GNAS: variants seen among roughly 807,000 people sequenced by gnomAD.
GNAS encodes GNAS complex locus.
GNAS carries 8 observed loss-of-function variants against 54.5 expected under a neutral mutation model. The observed-to-expected ratio is 0.15, with a 90% CI of 0.09 to 0.26. The LOEUF is 0.26. Among genes scored for constraint, GNAS ranks in the 10% least tolerant of loss-of-function variants. The pLI is 1.00. For synonymous variants in GNAS, 204 were observed against 191.4 expected, an observed-to-expected ratio of 1.07 and a Z score of -0.54; for missense variants, 170 against 529.8, an observed-to-expected ratio of 0.32 and a Z score of 6.67.
chr20:58,911,144 TGTG>T lies in GNAS; in HGVS notation c.*316_*318del. 1 of 514,418 alleles carries T rather than the reference TGTG, an allele frequency of 1.9e-6. No homozygotes were observed. The highest frequency in any genetic ancestry group is 3.8e-5 in the East Asian group (1 of 26,588). 31.9% of individuals were successfully genotyped at this position (514,418 alleles called of 1,614,324 possible). A position where few individuals can be genotyped will look rare whatever the true frequency, so the allele number is the denominator to read the frequency against. On this transcript the variant is annotated 3_prime_UTR_variant, in exon 13 of 13. Coordinates refer to ENST00000371085, the MANE Select transcript of GNAS (RefSeq NM_000516.7). ...GAAACAAATGAAATAAATATTGTGT[TGTG>T]CAGCATTAAAAAAAATCAAAATAAA...
At chr20:58,887,703 G>A (rs879858017), upstream of GNAS, among the ~76,000 whole-genome samples, 1 of 152,190 alleles carries the variant, frequency 6.6e-6, no homozygotes, top group African/African-American at 2.4e-5. Context: ...TTTCAGCCAA[G>A]TTCAAGAAAG....
At chr20:58,867,267 C>T (rs2087121225) in intron 1 of GNAS, among the ~76,000 whole-genome samples, 1 of 152,162 alleles carries the variant, frequency 6.6e-6, no homozygotes, top group African/African-American at 2.4e-5. Context: ...AAACTTCTAG[C>T]TATTTATAAT....
chr20:58,868,614 G>A (rs542692510), intron 1 of GNAS, among the ~76,000 whole-genome samples: 34 of 152,282 alleles, frequency 2.2e-4, no homozygotes, highest in African/African-American at 7.7e-4. Context: ...AAGAAAGGGG[G>A]CTCATCTCTC....
rs569917650 is a variant in GNAS at position 58,903,941 on chromosome 20, A to T, written c.432+150A>T. On this transcript the variant is annotated intron_variant, in intron 5 of 12. Coordinates refer to ENST00000371085, the MANE Select transcript of GNAS (RefSeq NM_000516.7). ...CATTTCAGTGATGTCCATCCTTAGGAAAAAGTTAATTTCATGTGTAACCTT... is the reference window on the plus strand; with the variant it reads ...CATTTCAGTGATGTCCATCCTTAGGTAAAAGTTAATTTCATGTGTAACCTT... 6 of 825,554 alleles carry T rather than the reference A, an allele frequency of 7.3e-6. No homozygotes were observed. In the Admixed American group the frequency reaches 1.1e-4, roughly 15 times the overall value. The allele number at this position is 825,554 out of a possible 1,614,324, so 51.1% of individuals were successfully genotyped here.
chr20:58,886,269 A>G (rs982133750), intron 1 of GNAS, among the ~76,000 whole-genome samples: 2 of 152,246 alleles, frequency 1.3e-5, no homozygotes, highest in East Asian at 1.9e-4. Context: ...CCATATCTCC[A>G]TGTAGTGTGT....
intron 1 of GNAS, chr20:58,855,864 C>T (rs991968650): frequency 1.8e-6 from 1 of 555,352 alleles, no homozygotes; most frequent in South Asian, 2.5e-5. Context: ...CCTATCCCGG[C>T]ACCCCCAAAT....
intron 6 of GNAS, among the ~76,000 whole-genome samples, chr20:58,906,398 C>T (rs1463783537): frequency 6.6e-6 from 1 of 152,164 alleles, no homozygotes; most frequent in Non-Finnish European, 1.5e-5. Context: ...TCCCTGTCAC[C>T]CACCATGGTC....
chr20:58,853,868 G>C lies in GNAS; in HGVS notation c.43+12982G>C. On this transcript the variant is annotated intron_variant, in intron 1 of 12. Transcript: ENST00000306090. The surrounding 1 kb of genome is among the most constrained non-coding windows in gnomAD (Gnocchi z 4.4). Reference sequence around the variant, plus strand: ...GGGTCCCCGGAGCTCCTCCCGAGGAGCCCCAAGCCCTCAGGCCTGCAAAGG... The same window carrying C: ...GGGTCCCCGGAGCTCCTCCCGAGGACCCCCAAGCCCTCAGGCCTGCAAAGG... 1 of 1,595,486 alleles carries C rather than the reference G, an allele frequency of 6.3e-7. No homozygotes were observed. The highest frequency in any genetic ancestry group is 8.5e-7 in the Non-Finnish European group (1 of 1,171,546).
At chr20:58,862,559 G>GTT (rs371501357) in intron 1 of GNAS, among the ~76,000 whole-genome samples, 2,450 of 145,654 alleles carry the variant, frequency 0.017, 39 homozygotes, top group Middle Eastern at 0.057. Flanking sequence ...TTGTTGCTGG[G>GTT]TTTTTTTTTT....
chr20:58,842,325 T>C, intron 1 of GNAS: 1 of 397,930 alleles, frequency 2.5e-6, no homozygotes, highest in East Asian at 3.6e-5. Flanking sequence ...GGCTTAATTA[T>C]ACGGATGACA....
At chr20:58,848,682 C>T (rs1329462426) in intron 1 of GNAS, among the ~76,000 whole-genome samples, 1 of 152,168 alleles carries the variant, frequency 6.6e-6, no homozygotes, top group Non-Finnish European at 1.5e-5. Context: ...GATCACCAGA[C>T]AAGCCAACCA....
upstream of GNAS, among the ~76,000 whole-genome samples, chr20:58,891,091 T>C (rs938393555): frequency 7.0e-6 from 1 of 142,954 alleles, no homozygotes; most frequent in Non-Finnish European, 1.5e-5. Flanking sequence ...ACGCCCCCTC[T>C]CCCCCCTCGG....
In GNAS at chr20:58,911,185, G is replaced by A. The variant is rs1302549057; in HGVS notation, c.*356G>A. ...AAATCAAAATAAAAATTAAATGTGA[G>A]CAAAGAATGATGGGACTCCCGTGAG... On this transcript the variant is annotated 3_prime_UTR_variant, in exon 13 of 13. Transcript: ENST00000371085. The A allele has an allele frequency of 4.2e-6, 2 of 471,456 alleles. No individual in the cohort carries two copies. Among genetic ancestry groups the A allele is most frequent in the African/African-American group, 3.9e-5 (2 of 51,124 alleles). The allele number at this position is 471,456 out of a possible 1,614,324, so 29.2% of individuals were successfully genotyped here. A position where few individuals can be genotyped will look rare whatever the true frequency, so the allele number is the denominator to read the frequency against.
chr20:58,899,338 T>G (rs2090376403), intron 3 of GNAS: 1 of 503,240 alleles, frequency 2.0e-6, no homozygotes, highest in Non-Finnish European at 3.7e-6. Context: ...TTTAAAACTA[T>G]CTACTAAATT....
upstream of GNAS, among the ~76,000 whole-genome samples, chr20:58,891,092 C>G (rs932410706): frequency 3.9e-4 from 59 of 149,490 alleles, no homozygotes; most frequent in African/African-American, 1.4e-3. Flanking sequence ...CGCCCCCTCT[C>G]CCCCCTCGGC....
upstream of GNAS, chr20:58,840,378 C>G: frequency 6.2e-7 from 1 of 1,613,416 alleles, no homozygotes; most frequent in Non-Finnish European, 8.5e-7. This position sits in a 1 kb window ranked among gnomAD's most constrained non-coding sequence, Gnocchi z 6.0. Flanking sequence ...CACGAGGAGG[C>G]AGACCTTGAG....
At chr20:58,858,140 C>T (rs186496265) in intron 1 of GNAS, among the ~76,000 whole-genome samples, 3 of 152,172 alleles carry the variant, frequency 2.0e-5, no homozygotes, top group African/African-American at 7.2e-5. Context: ...GACTTACTCA[C>T]ATGTAGGACA....
intron 1 of GNAS, among the ~76,000 whole-genome samples, chr20:58,870,529 A>G (rs2087372130): frequency 6.6e-6 from 1 of 152,198 alleles, no homozygotes; most frequent in African/African-American, 2.4e-5. Context: ...AATTCTCTAG[A>G]TGAAATGTAG....
chr20:58,883,346 T>C (rs2088373418), intron 1 of GNAS, among the ~76,000 whole-genome samples: 1 of 152,144 alleles, frequency 6.6e-6, no homozygotes, highest in Admixed American at 6.5e-5. Context: ...TCTGAGAAGG[T>C]AGTAGAGACT....
Sources: allele counts gnomAD v4.1 joint callset (sites outside exome capture counted in the v4.1 genomes callset), GRCh38; gene constraint gnomAD v4.1.1; non-coding constraint Gnocchi (gnomAD v3.1); transcripts MANE v1.5; gene names NCBI Gene and HGNC (gene_info 2026-07-23, HGNC 2026-07-21).